Variants in PDE4D observed in about 807,000 individuals in gnomAD.
PDE4D encodes the protein 3',5'-cyclic-AMP phosphodiesterase 4D.
Under a neutral mutation model 87.4 loss-of-function variants are expected in PDE4D, and 24 were observed. That is an observed-to-expected ratio of 0.27 (90% CI 0.20 to 0.39). PDE4D has a LOEUF of 0.39. PDE4D is among the 10% of genes least tolerant of loss of function. PDE4D has a pLI of 1.00. For missense variants in PDE4D, 714 were observed against 1,041.0 expected, an observed-to-expected ratio of 0.69 and a Z score of 4.32; for synonymous variants, 384 against 383.2, an observed-to-expected ratio of 1.00 and a Z score of -0.02.
chr5:59,814,753 G>T (rs1768786995), intron 1 of PDE4D, among the ~76,000 whole-genome samples: 1 of 152,164 alleles, frequency 6.6e-6, no homozygotes, highest in Non-Finnish European at 1.5e-5. Flanking sequence ...ACTTCACAAT[G>T]CTGCAAAGCC....
intron 1 of PDE4D, among the ~76,000 whole-genome samples, chr5:60,448,061 T>C (rs1360479553): frequency 6.6e-6 from 1 of 152,168 alleles, no homozygotes; most frequent in Non-Finnish European, 1.5e-5. Flanking sequence ...TGATTCAAAA[T>C]AGATTCATTT....
intron 1 of PDE4D, among the ~76,000 whole-genome samples, chr5:60,325,263 A>G (rs4643905): frequency 2.0e-5 from 3 of 152,140 alleles, no homozygotes; most frequent in East Asian, 3.8e-4. Context: ...ACAGAAGAAA[A>G]GCAATTATAG....
intron 1 of PDE4D, among the ~76,000 whole-genome samples, chr5:59,604,294 A>G (rs1006057030): frequency 6.6e-6 from 1 of 152,018 alleles, no homozygotes; most frequent in African/African-American, 2.4e-5. Context: ...CTTCAGGATT[A>G]CATTAGAAGG....
chr5:59,217,280 CAT>C (rs1751466818), intron 1 of PDE4D: 1 of 455,784 alleles, frequency 2.2e-6, no homozygotes, highest in East Asian at 6.9e-5. Context: ...AATAAATAAA[CAT>C]GTGAATTCAA....
Position 59,889,177 on chromosome 5 carries a change from A to C in PDE4D, c.455+3991T>G, listed in dbSNP as rs572771765. On this transcript the variant is annotated intron_variant, in intron 1 of 14. Coordinates refer to ENST00000340635, the MANE Select transcript of PDE4D (RefSeq NM_001104631.2). ...TGGGAGGTGGAGTTTGCAGTGAGCC[A>C]AGATTGTGCCACTGCACACTCCAGC... Among the ~76,000 whole-genome samples, 65 of 151,110 alleles carry C rather than the reference A, an allele frequency of 4.3e-4. 3 individuals are homozygous for C. The highest frequency in any genetic ancestry group is 1.5e-3 in the African/African-American group (63 of 40,992).
chr5:60,239,973 G>A (rs1385310861), intron 1 of PDE4D, among the ~76,000 whole-genome samples: 9 of 151,976 alleles, frequency 5.9e-5, no homozygotes, highest in South Asian at 2.1e-4. Context: ...AGCAGAACCC[G>A]AAGTCATTCT....
intron 2 of PDE4D, among the ~76,000 whole-genome samples, chr5:60,112,853 T>C (rs981567083): frequency 1.3e-5 from 2 of 152,062 alleles, no homozygotes; most frequent in Non-Finnish European, 2.9e-5. Context: ...GAGAAGAAGG[T>C]AACTTTATTT....
At chr5:59,922,908 A>G (rs1754827027) in intron 3 of PDE4D, among the ~76,000 whole-genome samples, 1 of 152,036 alleles carries the variant, frequency 6.6e-6, no homozygotes, top group Admixed American at 6.6e-5. Context: ...GGCCCTTGGG[A>G]TCTCCCATTC....
intron 1 of PDE4D, among the ~76,000 whole-genome samples, chr5:60,384,907 T>A (rs1762099435): frequency 6.6e-6 from 1 of 152,176 alleles, no homozygotes; most frequent in Admixed American, 6.5e-5. Flanking sequence ...TTCCTCTTCT[T>A]GTATTCCTTA....
At chr5:60,066,428 T>C (rs925401661) in intron 2 of PDE4D, among the ~76,000 whole-genome samples, 6 of 152,102 alleles carry the variant, frequency 3.9e-5, no homozygotes, top group African/African-American at 1.4e-4. Context: ...GATAAGATAG[T>C]AGACTTTTTA....
At chr5:59,034,687 T>C (rs2153388402) in intron 6 of PDE4D, among the ~76,000 whole-genome samples, 1 of 152,270 alleles carries the variant, frequency 6.6e-6, no homozygotes, top group East Asian at 1.9e-4. Context: ...AAAAGCCAAA[T>C]ACACAAAATA....
chr5:60,319,578 G>GT (rs1330414084), intron 1 of PDE4D, among the ~76,000 whole-genome samples: 3 of 152,174 alleles, frequency 2.0e-5, no homozygotes, highest in Non-Finnish European at 4.4e-5. Flanking sequence ...TTAGTTTCCA[G>GT]TTTTTCTGCT....
intron 1 of PDE4D, among the ~76,000 whole-genome samples, chr5:60,280,493 T>C (rs1031834342): frequency 1.1e-4 from 17 of 152,276 alleles, no homozygotes; most frequent in African/African-American, 4.1e-4. Context: ...ATAGAAATTA[T>C]CTGAAAACAT....
intron 1 of PDE4D, among the ~76,000 whole-genome samples, chr5:59,771,132 A>AAAATAAAT (rs201697322): frequency 0.041 from 5,842 of 143,180 alleles, 141 homozygotes; most frequent in South Asian, 0.058. Context: ...ACCCAGCCTC[A>AAAATAAAT]AAATAAATAA....
chr5:59,336,164 T>G (rs1458330415), intron 1 of PDE4D, among the ~76,000 whole-genome samples: 2 of 152,318 alleles, frequency 1.3e-5, no homozygotes, highest in East Asian at 3.9e-4. Context: ...TGCCTGGAAT[T>G]GGTACCCACA....
intron 3 of PDE4D, among the ~76,000 whole-genome samples, chr5:59,969,797 C>T (rs375922433): frequency 6.6e-6 from 1 of 152,174 alleles, no homozygotes; most frequent in East Asian, 1.9e-4. Context: ...GTTTGCTTCC[C>T]CTTCTGCCAT....
intron 5 of PDE4D, among the ~76,000 whole-genome samples, chr5:59,108,885 T>C (rs1421284603): frequency 7.3e-6 from 1 of 136,588 alleles, no homozygotes; most frequent in Non-Finnish European, 1.5e-5. Flanking sequence ...CCAGCCTGGG[T>C]GACAGAGTGA....
intron 2 of PDE4D, among the ~76,000 whole-genome samples, chr5:59,999,246 G>A (rs1051844686): frequency 1.6e-4 from 25 of 152,236 alleles, no homozygotes; most frequent in African/African-American, 5.5e-4. Flanking sequence ...AGAGAAGAGT[G>A]GAATGTATGT....
rs116299149 is a variant in PDE4D at position 59,918,126 on chromosome 5, A to G, written c.272+70362T>C. Among the ~76,000 whole-genome samples, 977 of 152,194 alleles carry G rather than the reference A, an allele frequency of 6.4e-3. 10 individuals are homozygous for G. Among genetic ancestry groups the G allele is most frequent in the African/African-American group, 0.021 (890 of 41,550 alleles). On this transcript the variant is annotated intron_variant, in intron 3 of 16. Coordinates refer to the PDE4D transcript ENST00000502484. ...ATAATGATAAAAATATATAACCATC[A>G]TTTGAAATAAAATTATTTTCTGTTA...
Sources: allele counts gnomAD v4.1 joint callset (sites outside exome capture counted in the v4.1 genomes callset), GRCh38; gene constraint gnomAD v4.1.1; transcripts MANE v1.5; gene names NCBI Gene and HGNC (gene_info 2026-07-23, HGNC 2026-07-21).